KCNH1: variants seen among roughly 807,000 people sequenced by gnomAD.
The protein encoded by KCNH1 is voltage-gated delayed rectifier potassium channel KCNH1.
Under a neutral mutation model 69.2 loss-of-function variants are expected in KCNH1, and 27 were observed. The observed-to-expected ratio is 0.39, with a 90% CI of 0.29 to 0.54. The LOEUF (loss-of-function observed/expected upper bound fraction) is 0.54, where lower values mean the gene tolerates loss of function less well. Among genes scored for constraint, KCNH1 ranks in the 20% least tolerant of loss-of-function variants. The pLI, the probability that KCNH1 is intolerant of heterozygous loss-of-function variation, is 0.68. For synonymous variants in KCNH1, 456 were observed against 487.7 expected, an observed-to-expected ratio of 0.93 and a Z score of 0.86; for missense variants, 798 against 1,261.6, an observed-to-expected ratio of 0.63 and a Z score of 5.57.
chr1:210,904,030 T>C (rs1190992787), intron 7 of KCNH1, among the ~76,000 whole-genome samples: 2 of 152,194 alleles, frequency 1.3e-5, no homozygotes, highest in African/African-American at 2.4e-5. Context: ...TTAGTAGTTC[T>C]CCTGTTCTGC....
intron 6 of KCNH1, among the ~76,000 whole-genome samples, chr1:210,964,193 T>G (rs912421014): frequency 1.3e-5 from 2 of 152,148 alleles, no homozygotes; most frequent in African/African-American, 4.8e-5. Context: ...AAACTAATCT[T>G]CATAAGGAAG....
intron 6 of KCNH1, among the ~76,000 whole-genome samples, chr1:210,996,507 C>A (rs1457027509): frequency 1.3e-5 from 2 of 152,230 alleles, no homozygotes; most frequent in Non-Finnish European, 2.9e-5. Context: ...GGGTGGAGCC[C>A]ACCACAGCTC....
intron 7 of KCNH1, among the ~76,000 whole-genome samples, chr1:210,882,382 G>A (rs1380679057): frequency 6.6e-6 from 1 of 152,114 alleles, no homozygotes; most frequent in Non-Finnish European, 1.5e-5. Flanking sequence ...CATCAAGGGA[G>A]GAGAGAATAT....
At chr1:211,089,827 C>T (rs1321650255) in intron 4 of KCNH1, among the ~76,000 whole-genome samples, 1 of 152,176 alleles carries the variant, frequency 6.6e-6, no homozygotes, top group Non-Finnish European at 1.5e-5. Flanking sequence ...GAAAGAGGTG[C>T]TATGTCACCC....
chr1:211,059,745 GAA>G (rs1290240527), intron 5 of KCNH1, among the ~76,000 whole-genome samples: 10 of 148,576 alleles, frequency 6.7e-5, no homozygotes, highest in African/African-American at 2.2e-4. Flanking sequence ...TCCATCTCAA[GAA>G]AAAAAGAGTG....
At chr1:210,892,505 C>A (rs1027788432) in intron 7 of KCNH1, among the ~76,000 whole-genome samples, 5 of 152,130 alleles carry the variant, frequency 3.3e-5, no homozygotes, top group African/African-American at 1.2e-4. Flanking sequence ...CCCACACATG[C>A]CTCCATCCCA....
intron 7 of KCNH1, among the ~76,000 whole-genome samples, chr1:210,808,616 G>A (rs1232311336): frequency 4.0e-5 from 6 of 151,522 alleles, no homozygotes; most frequent in Admixed American, 3.3e-4. Context: ...GGCTGGTCTC[G>A]AACTCCTGGC....
At chr1:210,958,247 T>C (rs1301655335) in intron 6 of KCNH1, among the ~76,000 whole-genome samples, 1 of 152,228 alleles carries the variant, frequency 6.6e-6, no homozygotes, top group Non-Finnish European at 1.5e-5. Context: ...CCCACTCTCT[T>C]CTGGCTTGTA....
At chr1:210,987,959 T>A (rs1422250539) in intron 6 of KCNH1, among the ~76,000 whole-genome samples, 1 of 152,174 alleles carries the variant, frequency 6.6e-6, no homozygotes, top group African/African-American at 2.4e-5. Context: ...CTGCTTTGTT[T>A]ACCTAATCAA....
chr1:211,002,425 A>G (rs1170706424), intron 6 of KCNH1, among the ~76,000 whole-genome samples: 1 of 151,390 alleles, frequency 6.6e-6, no homozygotes, highest in Non-Finnish European at 1.5e-5. Context: ...TAGAATGTCC[A>G]GTACACAATC....
chr1:210,908,098 C>T (rs189014062), intron 7 of KCNH1, among the ~76,000 whole-genome samples: 8 of 152,260 alleles, frequency 5.3e-5, no homozygotes, highest in African/African-American at 1.7e-4. Flanking sequence ...CTTAGCACAA[C>T]GGAGGAAATG....
intron 6 of KCNH1, among the ~76,000 whole-genome samples, chr1:210,978,969 T>A (rs1041505093): frequency 6.6e-6 from 1 of 152,220 alleles, no homozygotes; most frequent in Non-Finnish European, 1.5e-5. Context: ...ATGGACAGTT[T>A]GAGCTCTCTA....
At chr1:210,795,859 A>G (rs898864242) in intron 9 of KCNH1, among the ~76,000 whole-genome samples, 1 of 152,012 alleles carries the variant, frequency 6.6e-6, no homozygotes, top group Non-Finnish European at 1.5e-5. Context: ...GTGGTGGCTC[A>G]TGCCTGTAAT....
intron 2 of KCNH1, among the ~76,000 whole-genome samples, chr1:211,105,024 G>C (rs192193909): frequency 6.6e-6 from 1 of 152,260 alleles, no homozygotes; most frequent in East Asian, 1.9e-4. Flanking sequence ...AGTCCTAGCT[G>C]TTGACTTTGT....
intron 7 of KCNH1, among the ~76,000 whole-genome samples, chr1:210,867,728 G>C (rs1439580327): frequency 3.9e-5 from 6 of 151,992 alleles, no homozygotes; most frequent in Non-Finnish European, 8.8e-5. Flanking sequence ...TTTTAAGTAA[G>C]TTTTGCCCTT....
chr1:210,791,199 CTCCCACTCAGTGCA>C lies in KCNH1; in HGVS notation c.1915+6295_1915+6308del. Among the ~76,000 whole-genome samples, 5 of 152,286 alleles carry C rather than the reference CTCCCACTCAGTGCA, an allele frequency of 3.3e-5. 1 individual carries two copies. The East Asian group carries it at 9.6e-4, about 29-fold the overall frequency. ...GGTTTAGGTTAATGTAATAAAAGGTCTCCCACTCAGTGCATCCCTGCCTTAGTTGCTTCCTCACG... is the reference window on the plus strand; with the variant it reads ...GGTTTAGGTTAATGTAATAAAAGGTCTCCCTGCCTTAGTTGCTTCCTCACG... On this transcript the variant is annotated intron_variant, in intron 9 of 10. Transcript: ENST00000271751.
rs529074217 is a variant in KCNH1 at position 211,065,640 on chromosome 1, CCA to C, written c.558+17138_558+17139del. ...TGAGAGTAGATTTTAAATGTTCTCCCCACACACAAAAATATAAGTATGTGAGG... is the reference window on the plus strand; with the variant it reads ...TGAGAGTAGATTTTAAATGTTCTCCCCACACAAAAATATAAGTATGTGAGG... On this transcript the variant is annotated intron_variant, in intron 5 of 10. Coordinates refer to ENST00000271751, the MANE Select transcript of KCNH1 (RefSeq NM_172362.3). 5.3e-5 allele frequency among the ~76,000 whole-genome samples: 8 copies of C among 152,024 alleles called. No homozygotes were observed. In the South Asian group the frequency reaches 1.7e-3, roughly 32 times the overall value.
intron 5 of KCNH1, among the ~76,000 whole-genome samples, chr1:211,026,090 T>C (rs930478434): frequency 3.3e-5 from 5 of 152,058 alleles, no homozygotes; most frequent in African/African-American, 1.2e-4. Flanking sequence ...TGGTATTGGG[T>C]CTGATCACCC....
intron 1 of KCNH1, among the ~76,000 whole-genome samples, chr1:211,110,895 A>AT (rs1691448378): frequency 6.6e-6 from 1 of 152,182 alleles, no homozygotes; most frequent in African/African-American, 2.4e-5. Flanking sequence ...AATGCATGTT[A>AT]TTTAGAGACA....
Sources: allele counts gnomAD v4.1 joint callset (sites outside exome capture counted in the v4.1 genomes callset), GRCh38; gene constraint gnomAD v4.1.1; transcripts MANE v1.5; gene names NCBI Gene and HGNC (gene_info 2026-07-23, HGNC 2026-07-21).